Variants in AGAP1 observed in about 807,000 individuals in gnomAD.
AGAP1 encodes arf-GAP with GTPase, ANK repeat and PH domain-containing protein 1.
AGAP1 carries 29 observed loss-of-function variants against 105.3 expected under a neutral mutation model. The ratio of observed to expected loss-of-function variants is 0.28; its 90% CI spans 0.21 to 0.38. The LOEUF (loss-of-function observed/expected upper bound fraction) is 0.38. Ranked by LOEUF, AGAP1 falls within the 10% of genes least tolerant of loss-of-function variation. The pLI is 1.00. For synonymous variants in AGAP1, 509 were observed against 485.9 expected, an observed-to-expected ratio of 1.05 and a Z score of -0.63; for missense variants, 998 against 1,165.1, an observed-to-expected ratio of 0.86 and a Z score of 2.09.
intron 1 of AGAP1, among the ~76,000 whole-genome samples, chr2:235,686,829 ATTT>A (rs869224839): frequency 7.2e-6 from 1 of 139,784 alleles, no homozygotes; most frequent in Non-Finnish European, 1.6e-5. Flanking sequence ...AATTAAAATA[ATTT>A]TTTTTTTTTT....
chr2:235,930,109 G>T lies in AGAP1; in HGVS notation c.1325-656G>T, dbSNP rs2052649216. On this transcript the variant is annotated intron_variant, in intron 11 of 17. Coordinates refer to ENST00000304032, the MANE Select transcript of AGAP1 (RefSeq NM_001037131.3). The surrounding 1 kb of genome is among the most constrained non-coding windows in gnomAD (Gnocchi z 7.9). ...TAATTCATTTTGATGTTGAGCAACTGATTCAAATCATTAAGTATACAATGG... is the reference window on the plus strand; with the variant it reads ...TAATTCATTTTGATGTTGAGCAACTTATTCAAATCATTAAGTATACAATGG... 6.6e-6 allele frequency among the ~76,000 whole-genome samples: 1 copy of T among 152,176 alleles called. No individual in the cohort carries two copies. Among genetic ancestry groups the T allele is most frequent in the African/African-American group, 2.4e-5 (1 of 41,438 alleles).
chr2:235,800,503 T>C (rs1286595577), intron 8 of AGAP1, among the ~76,000 whole-genome samples: 1 of 152,154 alleles, frequency 6.6e-6, no homozygotes, highest in East Asian at 1.9e-4. Context: ...TCCCTGTGCA[T>C]AGCAGACATT....
intron 9 of AGAP1, among the ~76,000 whole-genome samples, chr2:235,870,094 A>G (rs963773955): frequency 6.6e-6 from 1 of 152,156 alleles, no homozygotes; most frequent in African/African-American, 2.4e-5. Context: ...ATCTTCGGAC[A>G]CTAGCTACTT....
chr2:235,771,214 A>T (rs114746423), intron 6 of AGAP1, among the ~76,000 whole-genome samples: 2,435 of 152,324 alleles, frequency 0.016, 72 homozygotes, highest in African/African-American at 0.056. Context: ...CTGTTGGGCC[A>T]CTGGGTTCAT....
At chr2:235,757,370 A>G (rs1293270405) in intron 6 of AGAP1, among the ~76,000 whole-genome samples, 2 of 138,042 alleles carry the variant, frequency 1.4e-5, no homozygotes, top group Non-Finnish European at 2.9e-5. Flanking sequence ...CCTGTGTGCC[A>G]GGTGCTAGTG....
In AGAP1 at chr2:235,569,246, C is replaced by A. The variant is rs935638208; in HGVS notation, c.163+74397C>A. On this transcript the variant is annotated intron_variant, in intron 1 of 17. Transcript: ENST00000304032. The surrounding 1 kb of genome is among the most constrained non-coding windows in gnomAD (Gnocchi z 5.9). ...AGGAGAATCGCTTGAACCCAGGAGG[C>A]GGAGGTTGTAGTGACCCAAGATCAC... Among the ~76,000 whole-genome samples the A allele has an allele frequency of 6.6e-6, 1 of 152,070 alleles. No homozygotes were observed. Among genetic ancestry groups the A allele is most frequent in the Non-Finnish European group, 1.5e-5 (1 of 68,016 alleles).
rs1215511577 is a variant in AGAP1 at position 235,615,274 on chromosome 2, C to A, written c.164-93905C>A. Among the ~76,000 whole-genome samples, 1 of 152,200 alleles carries A rather than the reference C, an allele frequency of 6.6e-6. No homozygotes were observed. The highest frequency in any genetic ancestry group is 1.9e-4 in the East Asian group (1 of 5,186). ...ATGGTTGGGAGTCAGAACCAGACTT[C>A]AAAGGGCATGTGACTACAGCATCCA... is the stretch of plus-strand genomic sequence containing the variant. On this transcript the variant is annotated intron_variant, in intron 1 of 17. Coordinates refer to ENST00000304032, the MANE Select transcript of AGAP1 (RefSeq NM_001037131.3). The surrounding 1 kb of genome is among the most constrained non-coding windows in gnomAD (Gnocchi z 5.0).
chr2:235,604,572 C>CTTTTTTTTTTTTTTTTTTTT lies in AGAP1; in HGVS notation c.164-104598_164-104579dup, dbSNP rs1166523228. Among the ~76,000 whole-genome samples the CTTTTTTTTTTTTTTTTTTTT allele has an allele frequency of 2.9e-5, 2 of 69,672 alleles. 1 individual carries two copies. The highest frequency in any genetic ancestry group is 1.3e-4 in the African/African-American group (2 of 14,974). The allele number at this position is 69,672 out of a possible 152,430, so 45.7% of individuals were successfully genotyped here. On this transcript the variant is annotated intron_variant, in intron 1 of 17. Transcript: ENST00000304032. ...CGTGTTTCTTTTTTATTTTTATTAT[C>CTTTTTTTTTTTTTTTTTTTT]TTTTTTTTTTTTTTTTTTTTTTTTT... is the stretch of plus-strand genomic sequence containing the variant.
chr2:235,577,627 G>A lies in AGAP1; in HGVS notation c.163+82778G>A, dbSNP rs1274333274. On this transcript the variant is annotated intron_variant, in intron 1 of 17. Transcript: ENST00000304032. The surrounding 1 kb of genome is among the most constrained non-coding windows in gnomAD (Gnocchi z 4.5). Reference sequence around the variant, plus strand: ...TGCCTGACTACATGGTTCTTCCCCCGGTTATTTTTGTTTGGGCAGTTAACT... The same window carrying A: ...TGCCTGACTACATGGTTCTTCCCCCAGTTATTTTTGTTTGGGCAGTTAACT... Among the ~76,000 whole-genome samples the A allele has an allele frequency of 5.3e-5, 8 of 152,160 alleles. No homozygotes were observed. The South Asian group carries it at 8.3e-4, about 16-fold the overall frequency.
rs918651925 is a variant in AGAP1, at chr2:235,723,272, T to C, written c.310+5628T>C. Among the ~76,000 whole-genome samples, 2 of 152,220 alleles carry C rather than the reference T, an allele frequency of 1.3e-5. No homozygotes were observed. Among genetic ancestry groups the C allele is most frequent in the African/African-American group, 2.4e-5 (1 of 41,450 alleles). On this transcript the variant is annotated intron_variant, in intron 3 of 17. Transcript: ENST00000304032. The surrounding 1 kb of genome is among the most constrained non-coding windows in gnomAD (Gnocchi z 6.2). ...ATCGTGTGACATTTTGGGTGTGTAA[T>C]GTGACTTCCCTCGTGGTGTGTTTAT...
intron 9 of AGAP1, among the ~76,000 whole-genome samples, chr2:235,846,317 G>A (rs991684558): frequency 3.9e-5 from 6 of 152,052 alleles, no homozygotes; most frequent in African/African-American, 7.2e-5. Context: ...GAGGTTCTAT[G>A]GGTTATTTAT....
rs528190014 is a variant in AGAP1 at position 235,717,325 on chromosome 2, T to C, written c.223-232T>C. On this transcript the variant is annotated intron_variant, in intron 2 of 17. Transcript: ENST00000304032. ...TGCCAAACCAGTGTTTATACCAGCATTGCTGATGCCGTTGCAGCTGTTGAG... is the reference window on the plus strand; with the variant it reads ...TGCCAAACCAGTGTTTATACCAGCACTGCTGATGCCGTTGCAGCTGTTGAG... Among the ~76,000 whole-genome samples the C allele has an allele frequency of 1.3e-3, 204 of 152,352 alleles. 1 individual carries two copies. Among genetic ancestry groups the C allele is most frequent in the African/African-American group, 4.7e-3 (196 of 41,580 alleles).
chr2:235,601,389 C>T lies in AGAP1; in HGVS notation c.163+106540C>T, dbSNP rs1190044089. The stretch of plus-strand genomic sequence containing the variant: ...AGTCTGTTGTCGTGCTGCTAATAAG[C>T]ACATACCTGAGACTGGGTAATTTAT... On this transcript the variant is annotated intron_variant, in intron 1 of 17. Coordinates refer to ENST00000304032, the MANE Select transcript of AGAP1 (RefSeq NM_001037131.3). This position sits in a 1 kb window ranked among gnomAD's most constrained non-coding sequence, Gnocchi z 4.4. 1.3e-5 allele frequency among the ~76,000 whole-genome samples: 2 copies of T among 152,104 alleles called. No individual in the cohort carries two copies. Among genetic ancestry groups the T allele is most frequent in the African/African-American group, 2.4e-5 (1 of 41,412 alleles).
chr2:235,512,319 A>T (rs1436961360), intron 1 of AGAP1, among the ~76,000 whole-genome samples: 1 of 152,224 alleles, frequency 6.6e-6, no homozygotes, highest in Admixed American at 6.5e-5. Context: ...AAAATTGGCC[A>T]GGTGCATTGG....
intron 16 of AGAP1, among the ~76,000 whole-genome samples, chr2:236,081,802 A>G (rs1325178411): frequency 6.6e-6 from 1 of 152,210 alleles, no homozygotes; most frequent in East Asian, 1.9e-4. Flanking sequence ...ATTATCCAGA[A>G]AAGCTGCAAT....
intron 12 of AGAP1, among the ~76,000 whole-genome samples, chr2:235,966,251 G>A (rs1575913080): frequency 7.3e-6 from 1 of 136,268 alleles, no homozygotes; most frequent in African/African-American, 2.8e-5. Flanking sequence ...AGGGGAGTCC[G>A]TTCCTCTGGG....
In AGAP1 at chr2:236,003,213, T is replaced by G. The variant is rs947342708; in HGVS notation, c.1646-33348T>G. 6.6e-6 allele frequency among the ~76,000 whole-genome samples: 1 copy of G among 151,888 alleles called. No homozygotes were observed. The highest frequency in any genetic ancestry group is 2.4e-5 in the African/African-American group (1 of 41,338). ...GCACATGCCGCCACGCCCAGCTAAT[T>G]TTTGTATTTTTAGTAGAGACGGGGT... On this transcript the variant is annotated intron_variant, in intron 13 of 17. Coordinates refer to ENST00000304032, the MANE Select transcript of AGAP1 (RefSeq NM_001037131.3). The surrounding 1 kb of genome is among the most constrained non-coding windows in gnomAD (Gnocchi z 4.2).
chr2:235,759,348 T>G (rs1167668734), intron 6 of AGAP1, among the ~76,000 whole-genome samples: 1 of 151,432 alleles, frequency 6.6e-6, no homozygotes, highest in African/African-American at 2.4e-5. Context: ...TTTTTGTATT[T>G]TTAGTAGAGA....
At position 235,550,263 on chromosome 2, in the gene AGAP1, C is replaced by T. The variant is rs973836287; in HGVS notation, c.163+55414C>T. Among the ~76,000 whole-genome samples, 5 of 152,290 alleles carry T rather than the reference C, an allele frequency of 3.3e-5. No individual in the cohort carries two copies. The highest frequency in any genetic ancestry group is 3.9e-4 in the East Asian group (2 of 5,170). On this transcript the variant is annotated intron_variant, in intron 1 of 17. Transcript: ENST00000304032. The surrounding 1 kb of genome is among the most constrained non-coding windows in gnomAD (Gnocchi z 4.6). ...CAGTGTTCTCCGCAGCCCTGACTGG[C>T]GAGGAGGGCACGTCCCCACGTTCAT...
Sources: allele counts gnomAD v4.1 joint callset (sites outside exome capture counted in the v4.1 genomes callset), GRCh38; gene constraint gnomAD v4.1.1; non-coding constraint Gnocchi (gnomAD v3.1); transcripts MANE v1.5; gene names NCBI Gene and HGNC (gene_info 2026-07-23, HGNC 2026-07-21).